Variants in DST observed in about 807,000 individuals in gnomAD.
The protein encoded by DST is bullous pemphigoid antigen.
Under a neutral mutation model 875.2 loss-of-function variants are expected in DST, and 253 were observed. That is an observed-to-expected ratio of 0.29 (90% CI 0.26 to 0.32). DST has a LOEUF of 0.32. DST is among the 10% of genes least tolerant of loss of function. DST has a pLI of 1.00. For synonymous variants in DST, 3,124 were observed against 3,197.1 expected (o/e 0.98, Z 0.77); for missense variants, 8,287 against 9,111.6 (o/e 0.91, Z 3.68).
At chr6:56,486,642 A>G (rs2095579019) in intron 87 of DST, among the ~76,000 whole-genome samples, 1 of 152,140 alleles carries the variant, frequency 6.6e-6, no homozygotes, top group African/African-American at 2.4e-5. Flanking sequence ...TGGAGTTGGA[A>G]AGAAATGCTG....
intron 3 of DST, among the ~76,000 whole-genome samples, chr6:56,878,865 T>C (rs1363246797): frequency 6.6e-6 from 1 of 152,176 alleles, no homozygotes; most frequent in East Asian, 1.9e-4. Flanking sequence ...TATGAAGTTG[T>C]AATAATTCAT....
intron 36 of DST, chr6:56,618,800 C>T (rs751137259): frequency 6.2e-7 from 1 of 1,614,134 alleles, no homozygotes; most frequent in Non-Finnish European, 8.5e-7. Context: ...TTTGAATTTA[C>T]CAGATTCTTC....
chr6:56,631,165 G>T, intron 30 of DST, 46 bp downstream of exon 30: 1 of 968,918 alleles, frequency 1.0e-6, no homozygotes, highest in South Asian at 2.9e-5. Flanking sequence ...AAATAAAAAT[G>T]AGAGTTGTAT....
At chr6:56,798,190 A>G (rs1223339922) in intron 4 of DST, among the ~76,000 whole-genome samples, 2 of 152,236 alleles carry the variant, frequency 1.3e-5, no homozygotes, top group African/African-American at 4.8e-5. Flanking sequence ...CAGTCTTCCA[A>G]TGGAAGACTA....
At chr6:56,824,974 G>A (rs929214154) in intron 4 of DST, among the ~76,000 whole-genome samples, 1 of 152,216 alleles carries the variant, frequency 6.6e-6, no homozygotes, top group East Asian at 1.9e-4. Context: ...CCCTCTGCCC[G>A]GCCACCACCT....
At chr6:56,837,379 T>C (rs909653485) in intron 4 of DST, among the ~76,000 whole-genome samples, 12 of 152,196 alleles carry the variant, frequency 7.9e-5, no homozygotes, top group African/African-American at 2.7e-4. Context: ...TCGGCCATCC[T>C]GACAATTTCT....
chr6:56,893,129 C>G (rs1418314155), intron 3 of DST, among the ~76,000 whole-genome samples: 1 of 152,206 alleles, frequency 6.6e-6, no homozygotes, highest in Non-Finnish European at 1.5e-5. Context: ...TTGTACCATA[C>G]TGTTGGCTTT....
At chr6:56,620,059 T>C in intron 36 of DST, 1 of 1,613,882 alleles carries the variant, frequency 6.2e-7, no homozygotes, top group Non-Finnish European at 8.5e-7. Flanking sequence ...TATACTGAAT[T>C]TCAGTTATTT....
Position 56,640,164 on chromosome 6 carries a change from C to T in DST, c.2469G>A (p.Leu823=). 6.2e-7 allele frequency: 1 copy of T among 1,614,042 alleles called. No individual in the cohort carries two copies. The highest frequency in any genetic ancestry group is 8.5e-7 in the Non-Finnish European group (1 of 1,180,000). The change falls in exon 18 of 104, where the codon TTG becomes TTA. Residue 823 remains leucine (L), a synonymous_variant. Transcript: ENST00000680361. Reference sequence around the variant, plus strand: ...TTACCTGCATCTCATCAACCCAATTCAAAAGATCCTGAACAAATTTCATAT... The same window carrying T: ...TTACCTGCATCTCATCAACCCAATTTAAAAGATCCTGAACAAATTTCATAT... ...EINMKFVQDL[L]NWVDEMQVQL...
At chr6:56,793,872 A>G (rs2099735297) in intron 4 of DST, among the ~76,000 whole-genome samples, 1 of 152,236 alleles carries the variant, frequency 6.6e-6, no homozygotes, top group African/African-American at 2.4e-5. Flanking sequence ...AAAATGAGTT[A>G]TAATTTCTCA....
intron 81 of DST, 118 bp downstream of exon 81, chr6:56,497,738 T>C (rs2095969725): frequency 9.6e-7 from 1 of 1,039,072 alleles, no homozygotes; most frequent in Admixed American, 2.9e-5. Context: ...TTCACTTATT[T>C]TTACTCCTCT....
chr6:56,598,639 A>G lies in DST; in HGVS notation c.11765T>C (p.Leu3922Ser). ...AEVVKNTENF[L>S]KENGEKLSQE... is the part of the protein sequence containing the mutation. ...TGACAGCTTTTCACCATTCTCTTTT[A>G]AGAAGTTCTCTGTGTTTTTCACTAC... Residue 3922 changes from leucine (L) to serine (S), a missense_variant, in exon 46 of 104, where the codon TTA becomes TCA. By Grantham distance (145) the Leu-to-Ser change is moderately radical. Transcript: ENST00000680361. 2 of 1,611,542 alleles carry G rather than the reference A, an allele frequency of 1.2e-6. No individual in the cohort carries two copies. The highest frequency in any genetic ancestry group is 2.2e-5 in the South Asian group (2 of 90,630).
At chr6:56,912,818 A>C (rs1562379675) in intron 2 of DST, among the ~76,000 whole-genome samples, 1 of 152,230 alleles carries the variant, frequency 6.6e-6, no homozygotes, top group Non-Finnish European at 1.5e-5. Flanking sequence ...TAAATGGCAC[A>C]CATCATTTCT....
intron 2 of DST, among the ~76,000 whole-genome samples, chr6:56,930,156 C>T (rs1228211547): frequency 6.6e-6 from 1 of 152,258 alleles, no homozygotes; most frequent in Non-Finnish European, 1.5e-5. Flanking sequence ...GGTTTGCAGA[C>T]CTCTGGCCTC....
intron 69 of DST, among the ~76,000 whole-genome samples, chr6:56,524,460 A>G (rs775180796): frequency 5.3e-5 from 8 of 152,166 alleles, no homozygotes; most frequent in Non-Finnish European, 1.2e-4. Flanking sequence ...TCTATATATA[A>G]TTTATGAGGA....
intron 3 of DST, among the ~76,000 whole-genome samples, chr6:56,868,797 G>A (rs1037783394): frequency 1.3e-5 from 2 of 152,152 alleles, no homozygotes; most frequent in Non-Finnish European, 2.9e-5. Flanking sequence ...GGTGCAATTA[G>A]GAAGTTGATT....
chr6:56,791,589 C>T (rs1395139615), intron 4 of DST, among the ~76,000 whole-genome samples: 1 of 151,926 alleles, frequency 6.6e-6, no homozygotes, highest in Non-Finnish European at 1.5e-5. Flanking sequence ...AGTTCGAGAC[C>T]AGCCTACGCA....
At chr6:56,627,630 G>A (rs1029263237) in intron 33 of DST, among the ~76,000 whole-genome samples, 3 of 152,138 alleles carry the variant, frequency 2.0e-5, no homozygotes, top group South Asian at 2.1e-4. Flanking sequence ...TCAACTTTCT[G>A]TCAAATGTGG....
chr6:56,738,067 T>C (rs985421839), intron 4 of DST, among the ~76,000 whole-genome samples: 1 of 152,136 alleles, frequency 6.6e-6, no homozygotes, highest in East Asian at 1.9e-4. Flanking sequence ...GGGAGGAACA[T>C]ATAACGTACT....
Sources: allele counts gnomAD v4.1 joint callset (sites outside exome capture counted in the v4.1 genomes callset), GRCh38; gene constraint gnomAD v4.1.1; transcripts MANE v1.5; gene names NCBI Gene and HGNC (gene_info 2026-07-23, HGNC 2026-07-21).